Variants in MCPH1 observed in about 807,000 individuals in gnomAD.
MCPH1 encodes the protein microcephalin.
Under a neutral mutation model 84.5 loss-of-function variants are expected in MCPH1, and 104 were observed. The ratio of observed to expected loss-of-function variants is 1.23; its 90% confidence interval spans 1.05 to 1.45. The LOEUF is 1.45. Ranked by LOEUF, MCPH1 falls within the 40% of genes most tolerant of loss-of-function variation. The pLI is 0.00. For missense variants in MCPH1, 1,498 were observed against 1,005.7 expected, an observed-to-expected ratio of 1.49 and a Z score of -6.62; for synonymous variants, 514 against 366.8, an observed-to-expected ratio of 1.40 and a Z score of -4.58.
At chr8:6,606,910 C>T (rs1829823657) in intron 12 of MCPH1, among the ~76,000 whole-genome samples, 1 of 152,214 alleles carries the variant, frequency 6.6e-6, no homozygotes. Flanking sequence ...GTGCCTTTCA[C>T]CTTCCACTAT....
intron 12 of MCPH1, among the ~76,000 whole-genome samples, chr8:6,603,087 C>G (rs1829496613): frequency 6.6e-6 from 1 of 151,962 alleles, no homozygotes. Flanking sequence ...AGTTTTCAGC[C>G]TGTATTTTCT....
intron 12 of MCPH1, among the ~76,000 whole-genome samples, chr8:6,617,464 C>T (rs1400967645): frequency 1.3e-5 from 2 of 151,668 alleles, no homozygotes; most frequent in South Asian, 2.1e-4. Context: ...ACTTCTGGGT[C>T]AATATATAAA....
chr8:6,497,957 C>T (rs554466065), intron 11 of MCPH1, among the ~76,000 whole-genome samples: 1 of 152,132 alleles, frequency 6.6e-6, no homozygotes, highest in African/African-American at 2.4e-5. Flanking sequence ...AAAGAACTCT[C>T]AATGCTCTCA....
chr8:6,482,987 A>G (rs944196603), intron 11 of MCPH1, among the ~76,000 whole-genome samples: 14 of 152,218 alleles, frequency 9.2e-5, no homozygotes, highest in African/African-American at 2.9e-4. Context: ...AGTTATCTCT[A>G]TTTATAAACC....
chr8:6,431,699 G>T, intron 4 of MCPH1, 113 bp downstream of exon 4: 1 of 699,234 alleles, frequency 1.4e-6, no homozygotes, highest in South Asian at 1.9e-5. Flanking sequence ...TCTTAAATAT[G>T]CTATTGATGA....
intron 12 of MCPH1, chr8:6,619,231 T>G (rs1169723575): frequency 6.6e-6 from 1 of 152,234 alleles, no homozygotes; most frequent in African/African-American, 2.4e-5. Flanking sequence ...CAGACAACAG[T>G]GTCTAACAGG....
chr8:6,517,547 CT>C (rs1277681136), intron 12 of MCPH1, among the ~76,000 whole-genome samples: 2 of 152,208 alleles, frequency 1.3e-5, no homozygotes, highest in Non-Finnish European at 2.9e-5. Flanking sequence ...ATTGAACATT[CT>C]TTTCTTGAAT....
chr8:6,484,311 T>A (rs937439633), intron 11 of MCPH1, among the ~76,000 whole-genome samples: 3 of 152,194 alleles, frequency 2.0e-5, no homozygotes, highest in African/African-American at 7.2e-5. Flanking sequence ...AAAAAGATGC[T>A]CATCATTATT....
At chr8:6,430,754 A>G (rs142268069) in intron 3 of MCPH1, among the ~76,000 whole-genome samples, 2,354 of 152,324 alleles carry the variant, frequency 0.015, 25 homozygotes, top group Non-Finnish European at 0.025. Context: ...TGCTCTAAAC[A>G]TGGGAGTGAC....
chr8:6,530,508 C>CAAAAAA, intron 12 of MCPH1, among the ~76,000 whole-genome samples: 1 of 98,050 alleles, frequency 1.0e-5, no homozygotes, highest in Non-Finnish European at 2.0e-5. Context: ...GACTCTGTCT[C>CAAAAAA]AAAAAAAAAA....
chr8:6,440,750 G>A (rs1483401053), intron 6 of MCPH1, among the ~76,000 whole-genome samples: 1 of 152,176 alleles, frequency 6.6e-6, no homozygotes, highest in Non-Finnish European at 1.5e-5. Flanking sequence ...ACCGAATGCA[G>A]CTTTTAATGT....
chr8:6,508,980 C>T, intron 12 of MCPH1: 2 of 1,614,106 alleles, frequency 1.2e-6, no homozygotes, highest in Non-Finnish European at 1.7e-6. Context: ...TCGTTGTCTC[C>T]ATCCTTTGTG....
At chr8:6,473,843 CAA>C (rs767001594) in intron 9 of MCPH1, 47 of 1,419,746 alleles carry the variant, frequency 3.3e-5, no homozygotes, top group Non-Finnish European at 4.4e-5. Flanking sequence ...CCTTATAAGT[CAA>C]GAGTTATAAT....
chr8:6,499,417 C>T (rs1382126940), intron 11 of MCPH1, among the ~76,000 whole-genome samples: 1 of 152,132 alleles, frequency 6.6e-6, no homozygotes, highest in African/African-American at 2.4e-5. Context: ...AACAAAGTCA[C>T]AAGCCAAAGG....
intron 12 of MCPH1, among the ~76,000 whole-genome samples, chr8:6,566,687 A>G (rs548734730): frequency 1.6e-3 from 250 of 151,694 alleles, no homozygotes; most frequent in Admixed American, 2.7e-3. Flanking sequence ...AAGGCCATGG[A>G]TAGTGAACGT....
intron 12 of MCPH1, among the ~76,000 whole-genome samples, chr8:6,591,148 T>C (rs1455889400): frequency 6.6e-6 from 1 of 152,222 alleles, no homozygotes; most frequent in Non-Finnish European, 1.5e-5. Context: ...CAGCCCGCCT[T>C]GGCCTCCCAA....
intron 12 of MCPH1, among the ~76,000 whole-genome samples, chr8:6,565,096 A>C (rs1403418127): frequency 6.6e-6 from 1 of 152,244 alleles, no homozygotes; most frequent in Admixed American, 6.5e-5. Flanking sequence ...CTTAAAGATG[A>C]GACCTGTGTT....
intron 3 of MCPH1, among the ~76,000 whole-genome samples, chr8:6,418,590 C>G (rs1395358617): frequency 6.6e-6 from 1 of 151,860 alleles, no homozygotes; most frequent in Non-Finnish European, 1.5e-5. Context: ...TTTATTTTAT[C>G]ATTTTTTTTT....
At position 6,409,482 on chromosome 8, in the gene MCPH1, G is replaced by A. The variant is rs1447214516; in HGVS notation, c.114+112G>A. 1.1e-5 allele frequency: 9 copies of A among 847,848 alleles called. No individual in the cohort carries two copies. The Admixed American group carries it at 1.3e-4, about 13-fold the overall frequency. The allele number at this position is 847,848 out of a possible 1,614,324, so 52.5% of individuals were successfully genotyped here. A position where few individuals can be genotyped will look rare whatever the true frequency, so the allele number is the denominator to read the frequency against. On this transcript the variant is annotated intron_variant, in intron 2 of 13. Coordinates refer to ENST00000344683, the MANE Select transcript of MCPH1 (RefSeq NM_024596.5). ...TTACTTAGAATCTGGACGAAGCAAT[G>A]GGTAAGCGGTGGGAGAAAAAAGAGC...
Sources: allele counts gnomAD v4.1 joint callset (sites outside exome capture counted in the v4.1 genomes callset), GRCh38; gene constraint gnomAD v4.1.1; transcripts MANE v1.5; gene names NCBI Gene and HGNC (gene_info 2026-07-23, HGNC 2026-07-21).